Variants in CTIF observed in about 807,000 individuals in gnomAD.
CTIF encodes cap binding complex dependent translation initiation factor.
Under a neutral mutation model 66.0 loss-of-function variants are expected in CTIF, and 21 were observed. The observed-to-expected ratio is 0.32, with a 90% confidence interval of 0.23 to 0.46. The LOEUF is 0.46. CTIF is among the 20% of genes least tolerant of loss of function. The pLI is 1.00. For missense variants in CTIF, 739 were observed against 812.7 expected (o/e 0.91, Z 1.10); for synonymous variants, 345 against 326.4 (o/e 1.06, Z -0.62).
chr18:48,711,273 C>T (rs2128258), intron 6 of CTIF, among the ~76,000 whole-genome samples: 1,678 of 152,282 alleles, frequency 0.011, 36 homozygotes, highest in African/African-American at 0.038. Context: ...CAGAACCTGG[C>T]CCCAGCTCTG....
intron 1 of CTIF, among the ~76,000 whole-genome samples, chr18:48,614,724 T>G (rs1185194117): frequency 6.6e-6 from 1 of 152,222 alleles, no homozygotes; most frequent in Non-Finnish European, 1.5e-5. Flanking sequence ...ACAGAGTTTC[T>G]GTTTGGGTTG....
intron 1 of CTIF, among the ~76,000 whole-genome samples, chr18:48,575,522 G>A (rs1229816957): frequency 5.3e-5 from 8 of 152,234 alleles, no homozygotes; most frequent in Admixed American, 1.3e-4. Context: ...TTACAGCAGC[G>A]CACTGTGAGT....
chr18:48,636,709 G>T (rs200508859), intron 3 of CTIF, 24 bp downstream of exon 3: 2 of 1,533,822 alleles, frequency 1.3e-6, no homozygotes, highest in African/African-American at 1.4e-5. Flanking sequence ...TCTGCGCTCT[G>T]TCTGGGGGTG....
At position 48,765,965 on chromosome 18, in the gene CTIF, T is replaced by TA. The variant is rs572867963; in HGVS notation, c.1371+4276_1371+4277insA. On this transcript the variant is annotated intron_variant, in intron 9 of 11. Transcript: ENST00000256413. Reference sequence around the variant, plus strand: ...ATTTTTTAATCATTTTTTCTTTTTTTTATATACTTTAAGTTTTAGGGTACA... The same window carrying TA: ...ATTTTTTAATCATTTTTTCTTTTTTTATATATACTTTAAGTTTTAGGGTACA... Among the ~76,000 whole-genome samples, 616 of 151,942 alleles carry TA rather than the reference T, an allele frequency of 4.1e-3. 4 individuals carry two copies. Among genetic ancestry groups the TA allele is most frequent in the Middle Eastern group, 0.031 (9 of 294 alleles).
intron 3 of CTIF, among the ~76,000 whole-genome samples, chr18:48,652,897 A>G (rs185106932): frequency 1.2e-4 from 19 of 152,366 alleles, no homozygotes; most frequent in Non-Finnish European, 2.4e-4. Context: ...ATCTCAATAG[A>G]TGCAGAAAAG....
At chr18:48,625,155 T>C in intron 2 of CTIF, 3 of 957,074 alleles carry the variant, frequency 3.1e-6, no homozygotes, top group Non-Finnish European at 3.7e-6. Flanking sequence ...CCTTCTGCCC[T>C]TAAATTCATT....
chr18:48,669,803 A>G lies in CTIF; in HGVS notation c.432-866A>G, dbSNP rs1352675838. ...AAACAAGCTAAACATTTATATATATATATATATATATATATATATATATAT... is the reference window on the plus strand; with the variant it reads ...AAACAAGCTAAACATTTATATATATGTATATATATATATATATATATATAT... On this transcript the variant is annotated intron_variant, in intron 5 of 11. Coordinates refer to ENST00000256413, the MANE Select transcript of CTIF (RefSeq NM_014772.3). Among the ~76,000 whole-genome samples, 92 of 78,788 alleles carry G rather than the reference A, an allele frequency of 1.2e-3. 2 individuals are homozygous for G. Among genetic ancestry groups the G allele is most frequent in the African/African-American group, 5.1e-3 (88 of 17,250 alleles). The allele number at this position is 78,788 out of a possible 152,430, so 51.7% of individuals were successfully genotyped here.
intron 10 of CTIF, among the ~76,000 whole-genome samples, chr18:48,823,270 GT>G (rs2068519763): frequency 6.7e-6 from 1 of 149,648 alleles, no homozygotes; most frequent in Non-Finnish European, 1.5e-5. Context: ...TTTTCTTTAT[GT>G]TTTCTTCTAG....
rs532577534 is a variant in CTIF, at chr18:48,721,756, C to G, written c.584+10061C>G. ...TAACCTCAGAGAACGTGCATCCCCC[C>G]CTCTCTGTCCTGACACTCACTCCTG... On this transcript the variant is annotated intron_variant, in intron 7 of 11. Coordinates refer to ENST00000256413, the MANE Select transcript of CTIF (RefSeq NM_014772.3). Among the ~76,000 whole-genome samples the G allele has an allele frequency of 9.4e-4, 143 of 151,596 alleles. 2 individuals are homozygous for G. In the South Asian group the frequency reaches 0.023, roughly 24 times the overall value.
intron 9 of CTIF, among the ~76,000 whole-genome samples, chr18:48,783,852 G>A (rs965266474): frequency 6.6e-6 from 1 of 151,926 alleles, no homozygotes; most frequent in African/African-American, 2.4e-5. Context: ...CCAGTCCACC[G>A]AGCCCCAGAG....
At chr18:48,697,161 G>C (rs2092020065) in intron 6 of CTIF, among the ~76,000 whole-genome samples, 1 of 152,224 alleles carries the variant, frequency 6.6e-6, no homozygotes, top group African/African-American at 2.4e-5. Flanking sequence ...ACTCTGGCCT[G>C]TCAGGACAGT....
chr18:48,624,063 C>T (rs534634256), intron 2 of CTIF, among the ~76,000 whole-genome samples: 3 of 150,250 alleles, frequency 2.0e-5, no homozygotes, highest in Admixed American at 6.6e-5. Flanking sequence ...CTTGACACCA[C>T]GCCCCTCCCC....
intron 10 of CTIF, among the ~76,000 whole-genome samples, chr18:48,827,089 G>A (rs1031816367): frequency 1.3e-5 from 2 of 152,144 alleles, no homozygotes; most frequent in Admixed American, 6.5e-5. Context: ...GAGAGGGCCC[G>A]ATGAGCGAGC....
At chr18:48,619,445 A>G in intron 1 of CTIF, 93 bp from the exon 2 acceptor site, 1 of 782,884 alleles carries the variant, frequency 1.3e-6, no homozygotes, top group East Asian at 3.1e-5. Context: ...GGATAAGAAG[A>G]TGCTTCCAGG....
At chr18:48,619,314 C>A (rs1465987816) in intron 1 of CTIF, among the ~76,000 whole-genome samples, 1 of 152,360 alleles carries the variant, frequency 6.6e-6, no homozygotes, top group Non-Finnish European at 1.5e-5. Flanking sequence ...AAGTGGCCTG[C>A]ATTCCCTGGG....
chr18:48,658,474 T>G (rs2091282567), intron 3 of CTIF, among the ~76,000 whole-genome samples: 1 of 152,044 alleles, frequency 6.6e-6, no homozygotes. Context: ...GTGTATATTG[T>G]ATAAGTGTGG....
In CTIF at chr18:48,761,198, A is replaced by G. The variant is rs189803325; in HGVS notation, c.1072-192A>G. The G allele has an allele frequency of 8.8e-5, 51 of 582,656 alleles. 1 individual carries two copies. The highest frequency in any genetic ancestry group is 5.2e-4 in the African/African-American group (28 of 53,838). 36.1% of individuals were successfully genotyped at this position (582,656 alleles called of 1,614,324 possible). On this transcript the variant is annotated intron_variant, in intron 8 of 11. Coordinates refer to ENST00000256413, the MANE Select transcript of CTIF (RefSeq NM_014772.3). The surrounding 1 kb of genome is among the most constrained non-coding windows in gnomAD (Gnocchi z 4.2). ...AGCCCTGGATGTCATAGGGGCCAAG[A>G]AAAAAGGCAACAAGGAGCTTTTGGC...
At chr18:48,558,376 T>A (rs995907475) in intron 1 of CTIF, among the ~76,000 whole-genome samples, 17 of 152,222 alleles carry the variant, frequency 1.1e-4, no homozygotes, top group African/African-American at 3.9e-4. Context: ...GGTACACGGG[T>A]ATGACAGAAA....
intron 9 of CTIF, among the ~76,000 whole-genome samples, chr18:48,802,335 C>A (rs1568231841): frequency 6.6e-6 from 1 of 152,264 alleles, no homozygotes; most frequent in Non-Finnish European, 1.5e-5. Flanking sequence ...CTCGGCCTCT[C>A]TCCTGGGCAG....
Sources: gnomAD v4.1 joint callset for allele counts (sites outside exome capture counted in the v4.1 genomes callset) on GRCh38, gnomAD v4.1.1 for gene constraint, Gnocchi (gnomAD v3.1) non-coding constraint, MANE v1.5 for transcripts, NCBI Gene and HGNC (gene_info 2026-07-23, HGNC 2026-07-21) for gene names.